NDST3: variants seen among roughly 807,000 people sequenced by gnomAD.
NDST3 encodes the protein bifunctional heparan sulfate N-deacetylase/N-sulfotransferase 3.
Under a neutral mutation model 96.1 loss-of-function variants are expected in NDST3, and 58 were observed. The observed-to-expected ratio is 0.60, with a 90% CI of 0.49 to 0.75. NDST3 has a LOEUF of 0.75. Ranked by LOEUF, NDST3 falls within the 30% of genes least tolerant of loss-of-function variation. The pLI, the probability that NDST3 is intolerant of heterozygous loss-of-function variation, is 0.00. For synonymous variants in NDST3, 333 were observed against 359.7 expected, an observed-to-expected ratio of 0.93 and a Z score of 0.84; for missense variants, 788 against 1,034.2, an observed-to-expected ratio of 0.76 and a Z score of 3.27.
chr4:118,103,173 G>A (rs1363686156), intron 2 of NDST3, among the ~76,000 whole-genome samples: 2 of 151,970 alleles, frequency 1.3e-5, no homozygotes, highest in African/African-American at 4.8e-5. Flanking sequence ...TGAACAAAAA[G>A]AAAGGCAAAA....
intron 6 of NDST3, among the ~76,000 whole-genome samples, chr4:118,175,527 C>G (rs1736221852): frequency 6.6e-6 from 1 of 152,058 alleles, no homozygotes; most frequent in Non-Finnish European, 1.5e-5. Context: ...CTAGACAACA[C>G]TTTGGAATAG....
At chr4:118,160,832 G>A (rs6534089) in intron 6 of NDST3, among the ~76,000 whole-genome samples, 77,251 of 151,198 alleles carry the variant, frequency 0.51, 23,706 homozygotes, top group East Asian at 0.74. Context: ...CCTGTAGCTC[G>A]GAGTAGTTTG....
At chr4:118,164,674 AAT>A (rs1735425672) in intron 6 of NDST3, among the ~76,000 whole-genome samples, 2 of 152,166 alleles carry the variant, frequency 1.3e-5, no homozygotes, top group Admixed American at 1.3e-4. Flanking sequence ...TATACAGAAA[AAT>A]AGATAATACT....
intron 2 of NDST3, among the ~76,000 whole-genome samples, chr4:118,068,090 G>A (rs1726743646): frequency 6.6e-6 from 1 of 150,940 alleles, no homozygotes; most frequent in Non-Finnish European, 1.5e-5. Context: ...TCTCTAAGGA[G>A]CAAAGTTATT....
intron 6 of NDST3, chr4:118,194,276 C>G: frequency 1.4e-6 from 1 of 729,340 alleles, no homozygotes; most frequent in Non-Finnish European, 2.5e-6. Context: ...CCTGGGATAG[C>G]CTTCACCGCA....
At chr4:118,059,326 T>C (rs1485281372) in intron 2 of NDST3, among the ~76,000 whole-genome samples, 2 of 152,120 alleles carry the variant, frequency 1.3e-5, no homozygotes. Flanking sequence ...AACTTGTCTA[T>C]TTGTGGATTA....
chr4:118,215,310 A>G (rs1057440320), intron 6 of NDST3, among the ~76,000 whole-genome samples: 3 of 152,128 alleles, frequency 2.0e-5, no homozygotes, highest in African/African-American at 7.2e-5. Context: ...AAAAAAGCCA[A>G]GGAAGAATAA....
At chr4:118,206,465 C>A (rs1371345435) in intron 6 of NDST3, among the ~76,000 whole-genome samples, 3 of 144,192 alleles carry the variant, frequency 2.1e-5, no homozygotes, top group Admixed American at 2.1e-4. Context: ...TAAAGCACAG[C>A]ATAGAACAAG....
In NDST3 at chr4:118,149,438, T is replaced by C. The variant is rs1734213789; in HGVS notation, c.1539+5754T>C. ...TATCCTCTTTTATTTCCTTGAGCAG[T>C]GGTTTGTAGTTCTCCTTGAAGAGGT... On this transcript the variant is annotated intron_variant, in intron 6 of 13. Coordinates refer to ENST00000296499, the MANE Select transcript of NDST3 (RefSeq NM_004784.3). Among the ~76,000 whole-genome samples, 3 of 148,500 alleles carry C rather than the reference T, an allele frequency of 2.0e-5. No homozygotes were observed. In the South Asian group the frequency reaches 6.9e-4, roughly 34 times the overall value.
intron 6 of NDST3, among the ~76,000 whole-genome samples, chr4:118,199,578 T>C (rs1482060998): frequency 6.6e-6 from 1 of 152,202 alleles, no homozygotes; most frequent in Admixed American, 6.5e-5. Context: ...ATTTAGTTTA[T>C]TCATTGAAGT....
intron 4 of NDST3, 37 bp from the exon 5 acceptor site, chr4:118,138,017 T>C: frequency 2.0e-6 from 3 of 1,520,498 alleles, no homozygotes; most frequent in South Asian, 1.3e-5. Context: ...TCAAGATAAA[T>C]CTTTACACGC....
intron 11 of NDST3, among the ~76,000 whole-genome samples, chr4:118,241,284 C>CCTCGGTTG (rs147909270): frequency 0.039 from 5,931 of 152,260 alleles, 169 homozygotes; most frequent in African/African-American, 0.085. Context: ...AAGTTCAGTT[C>CCTCGGTTG]CTTTAGCCAC....
At chr4:118,183,327 G>C (rs571608711) in intron 6 of NDST3, among the ~76,000 whole-genome samples, 9 of 152,316 alleles carry the variant, frequency 5.9e-5, no homozygotes, top group African/African-American at 2.2e-4. Context: ...CTGGGCACAT[G>C]ATTGAGCTCG....
In NDST3 at chr4:118,240,565, C is replaced by T. The variant is rs1269741537; in HGVS notation, c.2160C>T (p.Ser720=). ...AAGACCCTGCAGCTCTGAAGTTTAGCTTCTACGAAGTGATCTCAGCAGGGC... is the reference window on the plus strand; with the variant it reads ...AAGACCCTGCAGCTCTGAAGTTTAGTTTCTACGAAGTGATCTCAGCAGGGC... ...SHEDPAALKF[S]FYEVISAGPR... is the part of the protein sequence containing the mutation. Residue 720 remains serine, a synonymous_variant, in exon 11 of 14, where the codon AGC becomes AGT. Transcript: ENST00000296499. 3.1e-6 allele frequency: 5 copies of T among 1,613,348 alleles called. No individual in the cohort carries two copies. Among genetic ancestry groups the T allele is most frequent in the Non-Finnish European group, 4.2e-6 (5 of 1,179,622 alleles).
intron 6 of NDST3, among the ~76,000 whole-genome samples, chr4:118,171,576 G>C (rs1244299560): frequency 6.6e-6 from 1 of 152,146 alleles, no homozygotes. Context: ...TGTGGCCCTA[G>C]AGTGTGGGGT....
At chr4:118,167,939 C>A (rs114716159) in intron 6 of NDST3, among the ~76,000 whole-genome samples, 2,280 of 152,034 alleles carry the variant, frequency 0.015, 67 homozygotes, top group African/African-American at 0.05. Flanking sequence ...AAAAGTAAGA[C>A]CTGACACTGT....
chr4:118,175,484 A>G (rs1736219692), intron 6 of NDST3, among the ~76,000 whole-genome samples: 1 of 152,124 alleles, frequency 6.6e-6, no homozygotes, highest in Non-Finnish European at 1.5e-5. Flanking sequence ...CTCTGACTTA[A>G]AAGTTGCTGT....
chr4:118,063,226 A>G (rs1297018234), intron 2 of NDST3, among the ~76,000 whole-genome samples: 2 of 151,892 alleles, frequency 1.3e-5, no homozygotes, highest in African/African-American at 2.4e-5. Flanking sequence ...CAATGAATCC[A>G]ACCCACGCAT....
At chr4:118,229,231 G>A (rs1228561827) in intron 8 of NDST3, among the ~76,000 whole-genome samples, 1 of 152,202 alleles carries the variant, frequency 6.6e-6, no homozygotes, top group Admixed American at 6.5e-5. Context: ...AACCTGGGAG[G>A]CAGATGTTGC....
Sources: gnomAD v4.1 joint callset for allele counts (sites outside exome capture counted in the v4.1 genomes callset) on GRCh38, gnomAD v4.1.1 for gene constraint, MANE v1.5 for transcripts, NCBI Gene and HGNC (gene_info 2026-07-23, HGNC 2026-07-21) for gene names.